PFKFB1: variants seen among roughly 807,000 people sequenced by gnomAD.
The protein encoded by PFKFB1 is 6-phosphofructo-2-kinase/fructose-2,6-biphosphatase 1.
A neutral mutation model predicts 46.4 loss-of-function variants in PFKFB1; 34 were observed. The observed-to-expected ratio is 0.73, with a 90% CI of 0.56 to 0.98. The LOEUF is 0.98. Among genes scored for constraint, PFKFB1 ranks in the 50% least tolerant of loss-of-function variants. PFKFB1 has a pLI of 0.00. For synonymous variants in PFKFB1, 119 were observed against 133.8 expected, an observed-to-expected ratio of 0.89 and a Z score of 0.76; for missense variants, 393 against 376.3, an observed-to-expected ratio of 1.04 and a Z score of -0.37.
At chrX:54,945,701 C>CGTGT (rs72018084) in intron 9 of PFKFB1, among the ~76,000 whole-genome samples, 158 bp from the exon 10 acceptor site, 55 of 101,745 alleles carry the variant, frequency 5.4e-4, no homozygotes, top group African/African-American at 1.7e-3. Flanking sequence ...AGTGTGTATG[C>CGTGT]GTGTGTGTGT....
In PFKFB1 at chrX:54,988,443, T is replaced by C. The variant is rs1264927335; in HGVS notation, c.97+5468A>G. 3.6e-5 allele frequency among the ~76,000 whole-genome samples: 4 copies of C among 111,629 alleles called. No homozygotes were observed. In the Admixed American group the frequency reaches 3.8e-4, roughly 11 times the overall value. Reference sequence around the variant, plus strand: ...GATTAAATGCAGCTTCTGTCAAAGTTTCAGCTTAATTCTTTGCAGAAATTA... The same window carrying C: ...GATTAAATGCAGCTTCTGTCAAAGTCTCAGCTTAATTCTTTGCAGAAATTA... On this transcript the variant is annotated intron_variant, in intron 1 of 13. Coordinates refer to ENST00000375006, the MANE Select transcript of PFKFB1 (RefSeq NM_002625.4).
At chrX:54,989,635 CTTGGAACATTTACCAGATTGTCCATAAG>C (rs1935192639) in intron 1 of PFKFB1, among the ~76,000 whole-genome samples, 1 of 112,109 alleles carries the variant, frequency 8.9e-6, no homozygotes, top group Non-Finnish European at 1.9e-5. Flanking sequence ...TTCAAGTGCT[CTTGGAACATTTACCAGATTGTCCATAAG>C]TTGGTCCATA....
chrX:54,987,213 T>C (rs1935133459), intron 1 of PFKFB1, among the ~76,000 whole-genome samples: 1 of 111,174 alleles, frequency 9.0e-6, no homozygotes, highest in South Asian at 3.7e-4. Flanking sequence ...AATAGATAAA[T>C]TATTAGAATG....
chrX:54,995,320 T>C (rs1935341092), upstream of PFKFB1, among the ~76,000 whole-genome samples: 1 of 112,105 alleles, frequency 8.9e-6, no homozygotes, highest in East Asian at 2.8e-4. Context: ...GGGCAATCTC[T>C]TGGGGACAGA....
At chrX:54,975,795 T>C (rs763747492) in intron 1 of PFKFB1, among the ~76,000 whole-genome samples, 1 of 111,378 alleles carries the variant, frequency 9.0e-6, no homozygotes, top group African/African-American at 3.3e-5. Flanking sequence ...CACTCAAATT[T>C]TGGACAAAGT....
chrX:54,944,498 A>T (rs187353619), intron 10 of PFKFB1, among the ~76,000 whole-genome samples: 1 of 112,383 alleles, frequency 8.9e-6, no homozygotes, highest in Non-Finnish European at 1.9e-5. Flanking sequence ...CAAAACAAAG[A>T]TACACAGAGA....
intron 1 of PFKFB1, among the ~76,000 whole-genome samples, chrX:54,981,473 C>T (rs1340895907): frequency 1.8e-5 from 2 of 111,179 alleles, no homozygotes; most frequent in Non-Finnish European, 3.8e-5. Flanking sequence ...GAATTGTATA[C>T]TCAGAAATAA....
rs190603861 is a variant in PFKFB1, at chrX:54,979,891, G to C, written c.97+14020C>G. ...GTTGGTCCTCTTTGGCTCTCTCATTGACTTGCTCTGTTGGAAGCCAGCTGT... is the reference window on the plus strand; with the variant it reads ...GTTGGTCCTCTTTGGCTCTCTCATTCACTTGCTCTGTTGGAAGCCAGCTGT... On this transcript the variant is annotated intron_variant, in intron 1 of 13. Transcript: ENST00000375006. 3.6e-5 allele frequency among the ~76,000 whole-genome samples: 4 copies of C among 111,809 alleles called. No homozygotes were observed. The East Asian group carries it at 1.1e-3, about 32-fold the overall frequency.
intron 9 of PFKFB1, 57 bp from the exon 10 acceptor site, chrX:54,945,600 T>C: frequency 1.3e-6 from 1 of 751,385 alleles, no homozygotes; most frequent in South Asian, 2.5e-5. Context: ...CACAGAGTCT[T>C]TGCCATAATT....
upstream of PFKFB1, chrX:54,998,469 C>G (rs752387417): frequency 2.7e-4 from 310 of 1,133,203 alleles, no homozygotes; most frequent in Non-Finnish European, 3.5e-4. Context: ...CTTGCATTTA[C>G]AGACCCCCAA....
intron 10 of PFKFB1, among the ~76,000 whole-genome samples, chrX:54,942,334 T>G (rs767696788): frequency 1.8e-5 from 2 of 111,329 alleles, no homozygotes; most frequent in East Asian, 5.6e-4. Flanking sequence ...ATGGCACATG[T>G]ATACATATGT....
chrX:54,936,735 C>T (rs184108508), intron 11 of PFKFB1, among the ~76,000 whole-genome samples: 3 of 112,042 alleles, frequency 2.7e-5, no homozygotes, highest in African/African-American at 9.7e-5. Flanking sequence ...GAGGAAATTC[C>T]TTATTTAATG....
At position 54,963,186 on chromosome X, in the gene PFKFB1, C is replaced by T. The variant is rs1489340268; in HGVS notation, c.223+71G>A. 9 of 1,124,531 alleles carry T rather than the reference C, an allele frequency of 8.0e-6. No homozygotes were observed. The East Asian group carries it at 1.8e-4, about 23-fold the overall frequency. 92.7% of individuals were successfully genotyped at this position (1,124,531 alleles called of 1,213,427 possible). On this transcript the variant is annotated intron_variant, in intron 2 of 13. Transcript: ENST00000375006. The stretch of plus-strand genomic sequence containing the variant: ...CATTTCTGGTATTGAGGACTTTGGC[C>T]TTCTACCTAAGTAAGGTTTTCAGCC...
chrX:54,955,853 G>T (rs1241279014), intron 7 of PFKFB1, among the ~76,000 whole-genome samples: 3 of 112,236 alleles, frequency 2.7e-5, no homozygotes. Context: ...TGTCATTCAC[G>T]TGTGAAGAAC....
chrX:54,945,725 T>C (rs1261857289), intron 9 of PFKFB1, among the ~76,000 whole-genome samples, 182 bp from the exon 10 acceptor site: 4 of 108,041 alleles, frequency 3.7e-5, no homozygotes, highest in Admixed American at 1.0e-4. Flanking sequence ...TGTGTGCGTG[T>C]GTGTGTGTGT....
At chrX:54,940,828 A>G (rs1280142129) in intron 10 of PFKFB1, among the ~76,000 whole-genome samples, 1 of 111,821 alleles carries the variant, frequency 8.9e-6, no homozygotes, top group Non-Finnish European at 1.9e-5. Context: ...AAGGTAATTT[A>G]TAGATTCAAT....
chrX:54,975,502 G>A (rs768859985), intron 1 of PFKFB1, among the ~76,000 whole-genome samples: 1 of 111,070 alleles, frequency 9.0e-6, no homozygotes, highest in African/African-American at 3.3e-5. Flanking sequence ...AGGAGGGTGA[G>A]TGATAAAAGA....
chrX:54,937,550 C>A, intron 11 of PFKFB1, 45 bp downstream of exon 11: 12 of 1,162,175 alleles, frequency 1.0e-5, no homozygotes, highest in Non-Finnish European at 1.4e-5. Context: ...GTGTCAGTGT[C>A]TCAAATACCA....
chrX:54,973,008 A>G, intron 1 of PFKFB1, among the ~76,000 whole-genome samples: 2 of 111,578 alleles, frequency 1.8e-5, no homozygotes, highest in Middle Eastern at 9.3e-3. Flanking sequence ...TATTGCTACA[A>G]TTTCAGAGCC....
Sources: allele counts gnomAD v4.1 joint callset (sites outside exome capture counted in the v4.1 genomes callset), GRCh38; gene constraint gnomAD v4.1.1; transcripts MANE v1.5; gene names NCBI Gene and HGNC (gene_info 2026-07-23, HGNC 2026-07-21).